KLHL1: variants seen among roughly 807,000 people sequenced by gnomAD.
KLHL1 encodes kelch like family member 1.
In KLHL1, 47 loss-of-function variants were observed where a neutral mutation model predicts 77.7. The ratio of observed to expected loss-of-function variants is 0.60; its 90% confidence interval spans 0.48 to 0.77. KLHL1 has a LOEUF of 0.77. KLHL1 is among the 30% of genes least tolerant of loss of function. The pLI is 0.00. For missense variants in KLHL1, 925 were observed against 910.8 expected, an observed-to-expected ratio of 1.02 and a Z score of -0.20; for synonymous variants, 360 against 325.2, an observed-to-expected ratio of 1.11 and a Z score of -1.15.
chr13:70,026,513 T>C (rs1885944304), intron 1 of KLHL1, among the ~76,000 whole-genome samples: 4 of 152,160 alleles, frequency 2.6e-5, no homozygotes, highest in Admixed American at 1.3e-4. Context: ...GTATTTGGAT[T>C]CTTATCCTAA....
chr13:70,045,272 C>T (rs2137384416), intron 1 of KLHL1, among the ~76,000 whole-genome samples: 1 of 152,274 alleles, frequency 6.6e-6, no homozygotes, highest in Non-Finnish European at 1.5e-5. Flanking sequence ...ACATTAAGCA[C>T]AAATACATCC....
intron 1 of KLHL1, among the ~76,000 whole-genome samples, chr13:70,012,109 C>T (rs772744411): frequency 1.3e-5 from 2 of 152,086 alleles, no homozygotes; most frequent in Non-Finnish European, 2.9e-5. Flanking sequence ...TATCTCCCAT[C>T]GAGTCCCTCC....
intron 10 of KLHL1, 148 bp from the exon 11 acceptor site, chr13:69,701,909 A>G (rs1278751915): frequency 5.9e-6 from 3 of 510,948 alleles, no homozygotes; most frequent in African/African-American, 2.0e-5. Flanking sequence ...AAATGAAAAC[A>G]CTGAAAATGG....
chr13:70,054,526 A>G (rs1189395746), intron 1 of KLHL1, among the ~76,000 whole-genome samples: 1 of 152,094 alleles, frequency 6.6e-6, no homozygotes, highest in Non-Finnish European at 1.5e-5. Context: ...AGTTATCACA[A>G]ATAATATTGT....
intron 7 of KLHL1, among the ~76,000 whole-genome samples, chr13:69,757,142 C>T (rs1435698237): frequency 6.6e-6 from 1 of 152,162 alleles, no homozygotes; most frequent in African/African-American, 2.4e-5. Flanking sequence ...AACCTACATT[C>T]AAGAATACTT....
chr13:70,010,544 C>T (rs1051236928), intron 1 of KLHL1, among the ~76,000 whole-genome samples: 5 of 151,914 alleles, frequency 3.3e-5, no homozygotes, highest in African/African-American at 1.2e-4. Flanking sequence ...CATGGGGGTA[C>T]ATAGTAAATA....
chr13:69,734,676 G>A (rs1873691429), intron 8 of KLHL1, among the ~76,000 whole-genome samples: 1 of 151,968 alleles, frequency 6.6e-6, no homozygotes, highest in Non-Finnish European at 1.5e-5. Context: ...AACAAATTAG[G>A]ACAATCACAA....
chr13:69,941,595 T>C (rs1437218392), intron 3 of KLHL1, among the ~76,000 whole-genome samples: 1 of 150,634 alleles, frequency 6.6e-6, no homozygotes, highest in Non-Finnish European at 1.5e-5. Flanking sequence ...CAGAAGAAAA[T>C]AAATAACAAA....
intron 8 of KLHL1, among the ~76,000 whole-genome samples, chr13:69,725,093 C>T (rs1414560687): frequency 6.6e-6 from 1 of 152,220 alleles, no homozygotes; most frequent in South Asian, 2.1e-4. Context: ...ACCTGTCCAA[C>T]CTTTGCCCTG....
intron 4 of KLHL1, among the ~76,000 whole-genome samples, chr13:69,909,736 T>A (rs1882173438): frequency 6.6e-6 from 1 of 152,206 alleles, no homozygotes; most frequent in Non-Finnish European, 1.5e-5. Context: ...TACACAAAAC[T>A]GTATACTCTG....
chr13:69,907,723 T>C (rs1410445482), intron 4 of KLHL1, among the ~76,000 whole-genome samples: 6 of 152,022 alleles, frequency 3.9e-5, no homozygotes, highest in Non-Finnish European at 8.8e-5. Flanking sequence ...TTGCAAGGCA[T>C]TGGATCTTGA....
At chr13:69,988,946 T>C (rs892273266) in intron 1 of KLHL1, among the ~76,000 whole-genome samples, 2 of 152,128 alleles carry the variant, frequency 1.3e-5, no homozygotes, top group African/African-American at 4.8e-5. Flanking sequence ...GTTCTTTTGC[T>C]GTGCAGAGGC....
intron 7 of KLHL1, among the ~76,000 whole-genome samples, chr13:69,744,379 A>G (rs1489780399): frequency 6.6e-6 from 1 of 152,046 alleles, no homozygotes; most frequent in Non-Finnish European, 1.5e-5. Context: ...GGTTTAATCC[A>G]TTCTGGTTAC....
intron 4 of KLHL1, among the ~76,000 whole-genome samples, chr13:69,910,601 A>G (rs563762958): frequency 6.6e-6 from 1 of 151,928 alleles, no homozygotes; most frequent in Non-Finnish European, 1.5e-5. Context: ...TCAAACATAG[A>G]CTGAGAAATT....
rs372032677 is a variant in KLHL1, at chr13:69,839,043, C to A, written c.1347G>T (p.Pro449=). The change falls in exon 6 of 11, where the codon CCG becomes CCT. Residue 449 remains proline (P), a synonymous_variant. Coordinates refer to ENST00000377844, the MANE Select transcript of KLHL1 (RefSeq NM_020866.3). ...LPERRTLMQS[P]RTKPRKSTVG... ...CTGTAGATTTTCTGGGTTTAGTTCTCGGACTTTGCATTAAAGTTCTTCTTT... is the reference window on the plus strand; with the variant it reads ...CTGTAGATTTTCTGGGTTTAGTTCTAGGACTTTGCATTAAAGTTCTTCTTT... The A allele has an allele frequency of 1.2e-6, 2 of 1,611,110 alleles. No homozygotes were observed. Among genetic ancestry groups the A allele is most frequent in the Non-Finnish European group, 8.5e-7 (1 of 1,178,342 alleles).
intron 7 of KLHL1, among the ~76,000 whole-genome samples, chr13:69,768,896 A>AATG (rs1484126876): frequency 6.6e-6 from 1 of 152,132 alleles, no homozygotes; most frequent in African/African-American, 2.4e-5. Context: ...CATTCTTTTT[A>AATG]ATGTTTCGAT....
chr13:69,732,205 C>T (rs896336379), intron 8 of KLHL1, among the ~76,000 whole-genome samples: 6 of 151,950 alleles, frequency 3.9e-5, no homozygotes, highest in Admixed American at 6.6e-5. Context: ...AGACTTATGG[C>T]AAAGAAATCA....
intron 7 of KLHL1, among the ~76,000 whole-genome samples, chr13:69,784,792 C>G (rs1409010585): frequency 2.7e-5 from 4 of 150,644 alleles, no homozygotes; most frequent in African/African-American, 9.8e-5. Flanking sequence ...AGAAAGTTAA[C>G]AAGGATACCC....
At chr13:70,021,345 C>T (rs1468286622) in intron 1 of KLHL1, among the ~76,000 whole-genome samples, 1 of 152,040 alleles carries the variant, frequency 6.6e-6, no homozygotes, top group Non-Finnish European at 1.5e-5. Context: ...TGATAGGCCA[C>T]TTCTTTATAA....
Sources: gnomAD v4.1 joint callset for allele counts (sites outside exome capture counted in the v4.1 genomes callset) on GRCh38, gnomAD v4.1.1 for gene constraint, MANE v1.5 for transcripts, NCBI Gene and HGNC (gene_info 2026-07-23, HGNC 2026-07-21) for gene names.